HNRNPM: variants seen among roughly 807,000 people sequenced by gnomAD.
The protein encoded by HNRNPM is CEA receptor.
HNRNPM carries 11 observed loss-of-function variants against 73.1 expected under a neutral mutation model. That is an observed-to-expected ratio of 0.15 (90% confidence interval 0.09 to 0.25). The LOEUF (loss-of-function observed/expected upper bound fraction) is 0.25, where lower values mean the gene tolerates loss of function less well. HNRNPM is among the 10% of genes least tolerant of loss of function. HNRNPM has a pLI of 1.00. For missense variants in HNRNPM, 789 were observed against 1,067.9 expected (o/e 0.74, Z 3.64); for synonymous variants, 407 against 355.2 (o/e 1.15, Z -1.64).
At chr19:8,479,447 A>G (rs1284116438) in intron 12 of HNRNPM, among the ~76,000 whole-genome samples, 2 of 151,916 alleles carry the variant, frequency 1.3e-5, no homozygotes, top group African/African-American at 4.8e-5. Context: ...TGGTCATTAG[A>G]TTCATCCTTC....
chr19:8,452,829 A>AT (rs1365014358), intron 1 of HNRNPM, among the ~76,000 whole-genome samples: 1 of 151,886 alleles, frequency 6.6e-6, no homozygotes, highest in Non-Finnish European at 1.5e-5. Flanking sequence ...TGACTTTAAA[A>AT]TTTTTCCAAG....
At chr19:8,454,744 T>C (rs1165305520) in intron 1 of HNRNPM, among the ~76,000 whole-genome samples, 1 of 141,904 alleles carries the variant, frequency 7.0e-6, no homozygotes, top group Non-Finnish European at 1.5e-5. Context: ...GATGGGCCTA[T>C]GTGTACTACC....
chr19:8,463,202 T>G (rs1324006975), intron 3 of HNRNPM, among the ~76,000 whole-genome samples: 2 of 152,112 alleles, frequency 1.3e-5, no homozygotes, highest in African/African-American at 4.8e-5. Flanking sequence ...GATCTAAAGT[T>G]GGTGTGATTT....
intron 12 of HNRNPM, among the ~76,000 whole-genome samples, chr19:8,478,125 G>A (rs1482467515): frequency 6.6e-6 from 1 of 152,180 alleles, no homozygotes; most frequent in African/African-American, 2.4e-5. Context: ...CTGTGGTAGC[G>A]AATGCTTGGT....
intron 12 of HNRNPM, among the ~76,000 whole-genome samples, chr19:8,476,719 T>C (rs577582999): frequency 6.6e-6 from 1 of 152,282 alleles, no homozygotes; most frequent in African/African-American, 2.4e-5. Flanking sequence ...AGATGAGTTA[T>C]GAGGTCCTTG....
At chr19:8,467,765 G>C (rs1255698086) in intron 8 of HNRNPM, among the ~76,000 whole-genome samples, 181 bp downstream of exon 8, 1 of 152,202 alleles carries the variant, frequency 6.6e-6, no homozygotes, top group South Asian at 2.1e-4. Flanking sequence ...GGTGGTTCAC[G>C]CCTGTAATCC....
intron 12 of HNRNPM, among the ~76,000 whole-genome samples, chr19:8,478,645 T>C (rs1970679427): frequency 6.6e-6 from 1 of 152,104 alleles, no homozygotes; most frequent in South Asian, 2.1e-4. Flanking sequence ...AAAATTTAGG[T>C]CTTTTAGTGT....
In HNRNPM at chr19:8,470,059, G is replaced by A. The variant is rs555467939; in HGVS notation, c.895+1225G>A. On this transcript the variant is annotated intron_variant, in intron 9 of 15. Coordinates refer to ENST00000325495, the MANE Select transcript of HNRNPM (RefSeq NM_005968.5). ...AGCAGTGGTCACCCTGGACCATGGCGATGGCTCTTGTTGACTCTTGTGCTG... is the reference window on the plus strand; with the variant it reads ...AGCAGTGGTCACCCTGGACCATGGCAATGGCTCTTGTTGACTCTTGTGCTG... Among the ~76,000 whole-genome samples the A allele has an allele frequency of 3.9e-5, 6 of 152,330 alleles. 1 individual carries two copies. Among genetic ancestry groups the A allele is most frequent in the African/African-American group, 1.4e-4 (6 of 41,578 alleles).
At chr19:8,473,126 C>A (rs1436359298) in intron 10 of HNRNPM, among the ~76,000 whole-genome samples, 1 of 152,040 alleles carries the variant, frequency 6.6e-6, no homozygotes, top group Non-Finnish European at 1.5e-5. Flanking sequence ...TGGCGTAGTC[C>A]CAGCTACTTG....
At chr19:8,465,787 T>G (rs1435896937) in intron 6 of HNRNPM, among the ~76,000 whole-genome samples, 1 of 152,146 alleles carries the variant, frequency 6.6e-6, no homozygotes, top group Non-Finnish European at 1.5e-5. Context: ...TGGTTTATTT[T>G]ATGCAGTTTT....
intron 10 of HNRNPM, among the ~76,000 whole-genome samples, chr19:8,472,250 A>G (rs1408981219): frequency 1.3e-5 from 2 of 150,432 alleles, no homozygotes; most frequent in Non-Finnish European, 2.9e-5. Context: ...TAGCATTTTC[A>G]TTGCTGTGTA....
intron 1 of HNRNPM, among the ~76,000 whole-genome samples, chr19:8,451,299 C>T (rs141021849): frequency 0.011 from 1,610 of 151,888 alleles, 34 homozygotes; most frequent in African/African-American, 0.036. Context: ...CGCCTCGGCC[C>T]CCCAAGGTGT....
chr19:8,447,260 CTTTT>C (rs33978914), intron 1 of HNRNPM, among the ~76,000 whole-genome samples: 1 of 142,968 alleles, frequency 7.0e-6, no homozygotes, highest in South Asian at 2.2e-4. Flanking sequence ...CTGTGGAAAA[CTTTT>C]TTTTTTTTTT....
At chr19:8,488,533 A>G in intron 15 of HNRNPM, 158 bp from the exon 16 acceptor site, 1 of 567,788 alleles carries the variant, frequency 1.8e-6, no homozygotes, top group Non-Finnish European at 3.0e-6. Context: ...TTAGCAGAAG[A>G]ATGGCAGTGT....
In HNRNPM at chr19:8,481,612, A is replaced by G. The variant is rs932821109; in HGVS notation, c.1121-1546A>G. 34 of 152,222 alleles carry G rather than the reference A, an allele frequency of 2.2e-4. 1 individual carries two copies. Among genetic ancestry groups the G allele is most frequent in the Admixed American group, 2.0e-3 (30 of 15,282 alleles). The allele number at this position is 152,222 out of a possible 1,614,324, so 9.4% of individuals were successfully genotyped here. On this transcript the variant is annotated intron_variant, in intron 12 of 15. Transcript: ENST00000325495. The stretch of plus-strand genomic sequence containing the variant: ...GGGGTGTGCACGGGAGAATATAGTC[A>G]TGGGTTCTCAGTTGGTTTCTGTTTG...
rs61362863 is a variant in HNRNPM at position 8,466,828 on chromosome 19, C to CAAAAAAAAAAAA, written c.784+453_784+464dup. Reference sequence around the variant, plus strand: ...TGGGTGATAGAGTGAGACTCAGTCTCAAAAAAAAAAAAAAAAAAAAAAAAG... The same window carrying CAAAAAAAAAAAA: ...TGGGTGATAGAGTGAGACTCAGTCTCAAAAAAAAAAAAAAAAAAAAAAAAAAAAAAAAAAAAG... On this transcript the variant is annotated intron_variant, in intron 7 of 15. Coordinates refer to ENST00000325495, the MANE Select transcript of HNRNPM (RefSeq NM_005968.5). Among the ~76,000 whole-genome samples, 2 of 56,492 alleles carry CAAAAAAAAAAAA rather than the reference C, an allele frequency of 3.5e-5. 1 individual carries two copies. Among genetic ancestry groups the CAAAAAAAAAAAA allele is most frequent in the Non-Finnish European group, 5.8e-5 (2 of 34,216 alleles). The allele number at this position is 56,492 out of a possible 152,430, so 37.1% of individuals were successfully genotyped here. A position where few individuals can be genotyped will look rare whatever the true frequency, so the allele number is the denominator to read the frequency against.
In HNRNPM at chr19:8,445,121, C is replaced by T. The variant is rs953307130; in HGVS notation, c.113+10C>T. On this transcript the variant is annotated intron_variant, in intron 1 of 15. Transcript: ENST00000325495. ...CTCCGGGCCCTAAGGGGTGAGTATC[C>T]CACGGTCCTTTGCCACGGGTAAGGG... 1.4e-5 allele frequency: 20 copies of T among 1,394,812 alleles called. No homozygotes were observed. The highest frequency in any genetic ancestry group is 1.7e-5 in the Non-Finnish European group (18 of 1,071,964). 86.4% of individuals were successfully genotyped at this position (1,394,812 alleles called of 1,614,324 possible).
At chr19:8,453,027 TAA>T (rs1968739145) in intron 1 of HNRNPM, among the ~76,000 whole-genome samples, 1 of 152,130 alleles carries the variant, frequency 6.6e-6, no homozygotes, top group East Asian at 1.9e-4. Context: ...TTTTTAAAAA[TAA>T]AGACAGGGTC....
chr19:8,457,705 A>G (rs563662885), intron 2 of HNRNPM, among the ~76,000 whole-genome samples: 15 of 152,358 alleles, frequency 9.8e-5, no homozygotes, highest in African/African-American at 3.6e-4. Flanking sequence ...CTTCTTAAGA[A>G]ATACTCTTCT....
Sources: gnomAD v4.1 joint callset for allele counts (sites outside exome capture counted in the v4.1 genomes callset) on GRCh38, gnomAD v4.1.1 for gene constraint, MANE v1.5 for transcripts, NCBI Gene and HGNC (gene_info 2026-07-23, HGNC 2026-07-21) for gene names.